Variants in SCAI observed in about 807,000 individuals in gnomAD.
SCAI encodes protein SCAI.
A neutral mutation model predicts 92.2 loss-of-function variants in SCAI; 24 were observed. The observed-to-expected ratio is 0.26, with a 90% CI of 0.19 to 0.37. The LOEUF is 0.37. SCAI is among the 10% of genes least tolerant of loss of function. The pLI is 1.00. For missense variants in SCAI, 450 were observed against 736.2 expected, an observed-to-expected ratio of 0.61 and a Z score of 4.50; for synonymous variants, 261 against 258.6, an observed-to-expected ratio of 1.01 and a Z score of -0.09.
At position 125,140,254 on chromosome 9, in the gene SCAI, C is replaced by A. The variant is rs561096494; in HGVS notation, c.98+2379G>T. ...AAAAAGAAGTAAGTGAAGGCCAGGC[C>A]CGGTGGCTCACACCTGTAATCCCAG... is the stretch of plus-strand genomic sequence containing the variant. On this transcript the variant is annotated intron_variant, in intron 2 of 17. Coordinates refer to ENST00000336505, the MANE Select transcript of SCAI (RefSeq NM_001144877.3). Among the ~76,000 whole-genome samples the A allele has an allele frequency of 2.8e-5, 4 of 145,294 alleles. No homozygotes were observed. In the East Asian group the frequency reaches 8.3e-4, roughly 30 times the overall value.
chr9:124,996,625 A>T (rs1424346164), intron 13 of SCAI, among the ~76,000 whole-genome samples: 4 of 149,954 alleles, frequency 2.7e-5, no homozygotes, highest in East Asian at 3.9e-4. Flanking sequence ...ATTTTCATTT[A>T]TTTTTTTTTA....
intron 2 of SCAI, among the ~76,000 whole-genome samples, chr9:125,119,958 A>C (rs1226576232): frequency 6.6e-6 from 1 of 152,176 alleles, no homozygotes; most frequent in African/African-American, 2.4e-5. Flanking sequence ...AGATTCCAAA[A>C]GTGACACTCC....
intron 3 of SCAI, among the ~76,000 whole-genome samples, chr9:125,032,558 G>A (rs1463109396): frequency 6.6e-6 from 1 of 150,862 alleles, no homozygotes; most frequent in African/African-American, 2.4e-5. Flanking sequence ...TCGCTGTTGG[G>A]CAAGGTATAT....
intron 2 of SCAI, among the ~76,000 whole-genome samples, chr9:125,099,743 C>G (rs886717139): frequency 6.6e-6 from 1 of 152,168 alleles, no homozygotes; most frequent in Non-Finnish European, 1.5e-5. Flanking sequence ...TCTACTGTCT[C>G]TATGAATTTG....
intron 2 of SCAI, among the ~76,000 whole-genome samples, chr9:125,069,653 T>G (rs1833941744): frequency 6.9e-6 from 1 of 144,776 alleles, no homozygotes; most frequent in Non-Finnish European, 1.5e-5. Context: ...GACGTCGTCT[T>G]GCTCTTGTCA....
chr9:125,138,178 A>T, intron 2 of SCAI, among the ~76,000 whole-genome samples: 1 of 148,396 alleles, frequency 6.7e-6, no homozygotes, highest in Admixed American at 6.8e-5. Context: ...CCTAAAATTT[A>T]TTGTGTACCT....
intron 2 of SCAI, among the ~76,000 whole-genome samples, chr9:125,058,017 T>TGAG (rs1194834375): frequency 1.3e-5 from 2 of 151,968 alleles, no homozygotes; most frequent in Non-Finnish European, 2.9e-5. Flanking sequence ...GAGAGTCGAC[T>TGAG]GAGGCCAGCA....
chr9:125,126,417 G>T (rs1835277919), intron 2 of SCAI, among the ~76,000 whole-genome samples: 1 of 152,058 alleles, frequency 6.6e-6, no homozygotes, highest in Non-Finnish European at 1.5e-5. Context: ...GTGTGTGTGT[G>T]TGTGTGAGAG....
chr9:125,131,065 A>G (rs1351657335), intron 2 of SCAI, among the ~76,000 whole-genome samples: 2 of 149,328 alleles, frequency 1.3e-5, no homozygotes, highest in African/African-American at 4.9e-5. Flanking sequence ...GACTGGGACT[A>G]CAGGTGCAAG....
rs576910003 is a variant in SCAI, at chr9:125,105,279, G to C, written c.98+37354C>G. Reference sequence around the variant, plus strand: ...CCACTGCATTCCAGCCTGGGTGACAGAGTGAGACCCTGTCTCTAAAATAAA... The same window carrying C: ...CCACTGCATTCCAGCCTGGGTGACACAGTGAGACCCTGTCTCTAAAATAAA... On this transcript the variant is annotated intron_variant, in intron 2 of 17. Coordinates refer to ENST00000336505, the MANE Select transcript of SCAI (RefSeq NM_001144877.3). 9.8e-4 allele frequency among the ~76,000 whole-genome samples: 149 copies of C among 152,334 alleles called. 1 individual carries two copies. Among genetic ancestry groups the C allele is most frequent in the Middle Eastern group, 3.4e-3 (1 of 294 alleles).
In SCAI at chr9:124,958,718, C is replaced by T. The variant is rs184716292; in HGVS notation, c.1675-5765G>A. 1.7e-3 allele frequency among the ~76,000 whole-genome samples: 260 copies of T among 151,972 alleles called. 1 individual carries two copies. The highest frequency in any genetic ancestry group is 6.1e-3 in the African/African-American group (253 of 41,502). On this transcript the variant is annotated intron_variant, in intron 17 of 17. Transcript: ENST00000336505. The stretch of plus-strand genomic sequence containing the variant: ...GGTCAGGAATTCGAGATCAGCCTGG[C>T]CAACATAGTGAAAACCCCTCTCTAC...
chr9:125,122,932 TA>T, intron 2 of SCAI, among the ~76,000 whole-genome samples: 1 of 152,206 alleles, frequency 6.6e-6, no homozygotes, highest in East Asian at 1.9e-4. Flanking sequence ...AGTAAAATTT[TA>T]AAAACCTGTT....
chr9:124,971,372 G>A lies in SCAI; in HGVS notation c.1672C>T (p.Arg558Trp), dbSNP rs764643339. ...SATMRMHKIF[R>W]ETRNYPESYP... ...CTTTAATAATGTTCTTTGCCTACCC[G>A]AAAAATCTTGTGCATCCTCATGGTG... Residue 558 changes from arginine (R) to tryptophan (W), a missense_variant and splice_region_variant, in exon 17 of 18, where the codon CGG becomes TGG. Physicochemically the swap from Arg to Trp is moderately radical, Grantham distance 101. This residue lies in a region of SCAI where 360 missense variants were observed against 601.8 expected (regional missense o/e 0.60). Transcript: ENST00000336505. 16 of 1,598,026 alleles carry A rather than the reference G, an allele frequency of 1.0e-5. No individual in the cohort carries two copies. The highest frequency in any genetic ancestry group is 1.7e-6 in the Non-Finnish European group (2 of 1,172,196).
At chr9:125,072,802 C>T (rs1487343906) in intron 2 of SCAI, among the ~76,000 whole-genome samples, 1 of 152,140 alleles carries the variant, frequency 6.6e-6, no homozygotes, top group Non-Finnish European at 1.5e-5. Flanking sequence ...CTTTTTGTGT[C>T]CAGCTTACTT....
chr9:125,116,884 G>GA (rs1371826490), intron 2 of SCAI, among the ~76,000 whole-genome samples: 1 of 152,062 alleles, frequency 6.6e-6, no homozygotes, highest in Non-Finnish European at 1.5e-5. Context: ...TGAAAATAAA[G>GA]AATGTCTGAA....
At chr9:125,129,554 C>A (rs1835355518) in intron 2 of SCAI, among the ~76,000 whole-genome samples, 1 of 144,760 alleles carries the variant, frequency 6.9e-6, no homozygotes, top group Non-Finnish European at 1.5e-5. Context: ...ACCTCCACCT[C>A]CCGGGTTCAA....
Position 124,949,973 on chromosome 9 carries a change from G to A in SCAI, c.*2834C>T, listed in dbSNP as rs1831207977. 6.6e-6 allele frequency: 1 copy of A among 152,138 alleles called. No homozygotes were observed. Among genetic ancestry groups the A allele is most frequent in the Non-Finnish European group, 1.5e-5 (1 of 68,044 alleles). The allele number at this position is 152,138 out of a possible 1,614,324, so 9.4% of individuals were successfully genotyped here. ...ACTTTAGATTTTTAACTACCAGTAAGGAATTACACTATTAGCTTAAGGGGC... is the reference window on the plus strand; with the variant it reads ...ACTTTAGATTTTTAACTACCAGTAAAGAATTACACTATTAGCTTAAGGGGC... On this transcript the variant is annotated 3_prime_UTR_variant, in exon 18 of 18. Coordinates refer to ENST00000336505, the MANE Select transcript of SCAI (RefSeq NM_001144877.3). This position sits in a 1 kb window ranked among gnomAD's most constrained non-coding sequence, Gnocchi z 4.0.
chr9:125,018,864 G>A lies in SCAI; in HGVS notation c.796C>T (p.Gln266Ter). ...GACAACTGTCCCACAATCATGCCCT[G>A]TTCCAGCAATGGGGCTCCTGTTTCA... ...LAETGAPLLE[Q>*]GMIVGQLSLA... Residue 266 changes from glutamine (Q) to a stop codon, truncating the protein, a stop_gained, in exon 9 of 18, where the codon CAG (glutamine) becomes TAG (stop). Coordinates refer to ENST00000336505, the MANE Select transcript of SCAI (RefSeq NM_001144877.3). LOFTEE classifies it high-confidence loss of function. 6.2e-7 allele frequency: 1 copy of A among 1,613,744 alleles called. No homozygotes were observed. The highest frequency in any genetic ancestry group is 8.5e-7 in the Non-Finnish European group (1 of 1,179,744).
intron 17 of SCAI, 87 bp from the exon 18 acceptor site, chr9:124,953,040 G>T: frequency 9.4e-7 from 1 of 1,058,842 alleles, no homozygotes; most frequent in Admixed American, 2.2e-5. Flanking sequence ...GGAGTAATAT[G>T]TATTTTCACT....
Sources: allele counts gnomAD v4.1 joint callset (sites outside exome capture counted in the v4.1 genomes callset), GRCh38; gene constraint gnomAD v4.1.1; regional missense constraint gnomAD v4.1.1; non-coding constraint Gnocchi (gnomAD v3.1); transcripts MANE v1.5; gene names NCBI Gene and HGNC (gene_info 2026-07-23, HGNC 2026-07-21).